Variants in ELMO2 observed in about 807,000 individuals in gnomAD.
ELMO2 encodes engulfment and cell motility protein 2.
A neutral mutation model predicts 96.2 loss-of-function variants in ELMO2; 37 were observed. The ratio of observed to expected loss-of-function variants is 0.38; its 90% CI spans 0.30 to 0.51. The LOEUF is 0.51. Among genes scored for constraint, ELMO2 ranks in the 20% least tolerant of loss-of-function variants. ELMO2 has a pLI of 0.88. For synonymous variants in ELMO2, 315 were observed against 329.4 expected (o/e 0.96, Z 0.47); for missense variants, 561 against 912.6 (o/e 0.61, Z 4.96).
chr20:46,366,328 C>G lies in ELMO2; in HGVS notation c.*1032G>C, dbSNP rs2059586171. Reference sequence around the variant, plus strand: ...GCCACCAATACTGAATGCCAATGTGCTAACGTATGTCCAGGGAGAGAGGCT... The same window carrying G: ...GCCACCAATACTGAATGCCAATGTGGTAACGTATGTCCAGGGAGAGAGGCT... On this transcript the variant is annotated 3_prime_UTR_variant, in exon 22 of 22. Coordinates refer to ENST00000290246, the MANE Select transcript of ELMO2 (RefSeq NM_133171.5). 2 of 152,708 alleles carry G rather than the reference C, an allele frequency of 1.3e-5. No individual in the cohort carries two copies. The highest frequency in any genetic ancestry group is 6.5e-5 in the Admixed American group (1 of 15,288). The allele number at this position is 152,708 out of a possible 1,614,324, so 9.5% of individuals were successfully genotyped here.
Position 46,386,307 on chromosome 20 carries a change from G to A in ELMO2, c.526-32C>T, listed in dbSNP as rs2060042729. The A allele has an allele frequency of 4.3e-6, 7 of 1,609,674 alleles. No homozygotes were observed. In the Admixed American group the frequency reaches 8.4e-5, roughly 19 times the overall value. ...CCAGAGATGGCACATCAATTGAGAA[G>A]CTCAGGGCCCAAGAAAGATAGAAGC... On this transcript the variant is annotated intron_variant, in intron 8 of 21. Transcript: ENST00000290246.
intron 2 of ELMO2, among the ~76,000 whole-genome samples, chr20:46,394,795 A>G (rs1055332603): frequency 1.3e-5 from 2 of 152,216 alleles, no homozygotes; most frequent in Non-Finnish European, 2.9e-5. Context: ...TCAGTTTAAG[A>G]GTCAAGAAGA....
intron 1 of ELMO2, among the ~76,000 whole-genome samples, chr20:46,402,736 C>G: frequency 6.6e-6 from 1 of 152,232 alleles, no homozygotes; most frequent in Middle Eastern, 3.2e-3. Context: ...TCCAGAGAAG[C>G]TGGCAAGGCC....
intron 2 of ELMO2, among the ~76,000 whole-genome samples, chr20:46,396,715 T>C (rs2145849178): frequency 6.6e-6 from 1 of 152,354 alleles, no homozygotes; most frequent in Admixed American, 6.5e-5. Context: ...AACACTGGGC[T>C]GGGATAATTG....
At chr20:46,404,253 T>C (rs2060385550) in intron 1 of ELMO2, among the ~76,000 whole-genome samples, 2 of 152,200 alleles carry the variant, frequency 1.3e-5, no homozygotes, top group Non-Finnish European at 2.9e-5. Flanking sequence ...CAGGGTTTTC[T>C]TCAACTGCAT....
At position 46,371,645 on chromosome 20, in the gene ELMO2, G is replaced by C; in HGVS notation, c.1627C>G (p.Gln543Glu). 2 of 1,613,010 alleles carry C rather than the reference G, an allele frequency of 1.2e-6. No individual in the cohort carries two copies. The highest frequency in any genetic ancestry group is 2.2e-5 in the South Asian group (2 of 90,954). Residue 543 changes from glutamine to glutamate, a missense_variant, in exon 18 of 22, where the codon CAG becomes GAG. By Grantham distance (29) the Gln-to-Glu change is conservative. Coordinates refer to ENST00000290246, the MANE Select transcript of ELMO2 (RefSeq NM_133171.5). This position sits in a 1 kb window ranked among gnomAD's most constrained non-coding sequence, Gnocchi z 5.9. ...TCACAGAGCCGGTTCAGGCGCTGCT[G>C]CTTGATCAGCTCAAGGATCTCGGGC... ...IQPEILELIKQQRLNRLCEGS... is the reference protein window; with the variant it reads ...IQPEILELIKEQRLNRLCEGS...
chr20:46,369,959 GGGGTGTGTGTGTGTGTGTGTGTGT>G (rs1268549074), intron 20 of ELMO2: 8 of 251,034 alleles, frequency 3.2e-5, no homozygotes, highest in Middle Eastern at 1.3e-3. Flanking sequence ...GATGGGTATG[GGGGTGTGTGTGTGTGTGTGTGTGT>G]GTGTGTGTGT....
chr20:46,389,337 T>C (rs2060109738), intron 6 of ELMO2, 117 bp from the exon 7 acceptor site: 3 of 1,060,734 alleles, frequency 2.8e-6, no homozygotes, highest in African/African-American at 3.2e-5. Flanking sequence ...ACTAGTTTTT[T>C]CACACAGCTT....
At position 46,375,158 on chromosome 20, in the gene ELMO2, A is replaced by C; in HGVS notation, c.1065+78T>G. The C allele has an allele frequency of 2.6e-6, 4 of 1,537,802 alleles. No individual in the cohort carries two copies. The highest frequency in any genetic ancestry group is 1.4e-5 in the African/African-American group (1 of 73,164). ...CAGGGCCACCATGGGGTTGGTTGTC[A>C]GAGCTCTGTCTGGGTGGGACCATTG... On this transcript the variant is annotated intron_variant, in intron 13 of 21. Coordinates refer to ENST00000290246, the MANE Select transcript of ELMO2 (RefSeq NM_133171.5). This position sits in a 1 kb window ranked among gnomAD's most constrained non-coding sequence, Gnocchi z 4.6.
intron 7 of ELMO2, among the ~76,000 whole-genome samples, chr20:46,388,089 C>A (rs1322397715): frequency 6.6e-6 from 1 of 152,184 alleles, no homozygotes; most frequent in African/African-American, 2.4e-5. Flanking sequence ...CTAGAATTAA[C>A]AGATGATATT....
At chr20:46,389,966 A>G (rs59062250) in intron 6 of ELMO2, among the ~76,000 whole-genome samples, 1 of 152,258 alleles carries the variant, frequency 6.6e-6, no homozygotes, top group East Asian at 1.9e-4. Context: ...CAACCTGACC[A>G]ACATGATGAA....
chr20:46,380,092 A>G, intron 11 of ELMO2, 161 bp downstream of exon 11: 1 of 598,628 alleles, frequency 1.7e-6, no homozygotes, highest in Non-Finnish European at 2.8e-6. Flanking sequence ...CTCACAGAGG[A>G]TCGCGGGAAA....
intron 6 of ELMO2, among the ~76,000 whole-genome samples, chr20:46,392,594 G>A (rs1436151882): frequency 6.6e-6 from 1 of 152,166 alleles, no homozygotes; most frequent in Non-Finnish European, 1.5e-5. Flanking sequence ...CTACGAGTAG[G>A]CCATCAAGGA....
chr20:46,386,376 T>G (rs1471383419), intron 8 of ELMO2, 101 bp from the exon 9 acceptor site: 32 of 1,494,034 alleles, frequency 2.1e-5, no homozygotes, highest in Non-Finnish European at 2.6e-5. Context: ...TGCTTCACAT[T>G]TGGGCAGCTG....
chr20:46,375,502 C>A lies in ELMO2; in HGVS notation c.931-132G>T. Reference sequence around the variant, plus strand: ...CCCTTAGGAGGCATCACCTCTACCACAGCAGGACAGAAATGGGCTTGGCTC... The same window carrying A: ...CCCTTAGGAGGCATCACCTCTACCAAAGCAGGACAGAAATGGGCTTGGCTC... On this transcript the variant is annotated intron_variant, in intron 12 of 21. Transcript: ENST00000290246. This position sits in a 1 kb window ranked among gnomAD's most constrained non-coding sequence, Gnocchi z 4.6. The A allele has an allele frequency of 6.8e-7, 1 of 1,480,964 alleles. No individual in the cohort carries two copies. Among genetic ancestry groups the A allele is most frequent in the Non-Finnish European group, 9.1e-7 (1 of 1,093,776 alleles). 91.7% of individuals were successfully genotyped at this position (1,480,964 alleles called of 1,614,324 possible).
intron 1 of ELMO2, 108 bp from the exon 2 acceptor site, chr20:46,398,879 A>C (rs574993614): frequency 6.6e-6 from 1 of 152,380 alleles, no homozygotes; most frequent in Admixed American, 6.5e-5. Context: ...AGGACTCCAA[A>C]GCGAGTTCTC....
rs770422587 is a variant in ELMO2, at chr20:46,374,337, T to A, written c.1274A>T (p.Glu425Val). ...KMLCEILQVG[E>V]LPNEGRNDYH... The stretch of plus-strand genomic sequence containing the variant: ...AGGGAGCTGCAGAGACTTACGTAGT[T>A]CCCCAACCTGCAGGATTTCACAGAG... Residue 425 changes from glutamate (E) to valine (V), a missense_variant, in exon 15 of 22, where the codon GAA (glutamate) becomes GTA (valine). By Grantham distance (121) the Glu-to-Val change is moderately radical. Transcript: ENST00000290246. 6.2e-7 allele frequency: 1 copy of A among 1,613,638 alleles called. No individual in the cohort carries two copies. The highest frequency in any genetic ancestry group is 8.5e-7 in the Non-Finnish European group (1 of 1,179,636).
At chr20:46,376,820 G>C (rs1449230141) in intron 11 of ELMO2, 12 of 1,287,438 alleles carry the variant, frequency 9.3e-6, no homozygotes, top group Admixed American at 2.3e-5. Context: ...TGTCTCTAGG[G>C]CTGTGCTGTC....
rs2059773441 is a variant in ELMO2 at position 46,373,417 on chromosome 20, T to C, written c.1398A>G (p.Thr466=). The C allele has an allele frequency of 1.2e-6, 2 of 1,614,252 alleles. No homozygotes were observed. The highest frequency in any genetic ancestry group is 1.7e-6 in the Non-Finnish European group (2 of 1,180,042). The stretch of plus-strand genomic sequence containing the variant: ...CACTGACCTTGTTGAAGTCCTCTGC[T>C]GTTGCCCTCATCTCCTTCCAGGTCT... The part of the protein sequence containing the change: ...LNKTWKEMRA[T]AEDFNKVMQV... The change falls in exon 16 of 22, where the codon ACA becomes ACG. Residue 466 remains threonine (T), a synonymous_variant. Coordinates refer to ENST00000290246, the MANE Select transcript of ELMO2 (RefSeq NM_133171.5).
Sources: allele counts gnomAD v4.1 joint callset (sites outside exome capture counted in the v4.1 genomes callset), GRCh38; gene constraint gnomAD v4.1.1; non-coding constraint Gnocchi (gnomAD v3.1); transcripts MANE v1.5; gene names NCBI Gene and HGNC (gene_info 2026-07-23, HGNC 2026-07-21).